HS3ST3A1: variants seen among roughly 807,000 people sequenced by gnomAD.
HS3ST3A1 encodes heparan sulfate glucosamine 3-O-sulfotransferase 3A1.
A neutral mutation model predicts 25.7 loss-of-function variants in HS3ST3A1; 19 were observed. That is an observed-to-expected ratio of 0.74 (90% CI 0.52 to 1.08). The LOEUF (loss-of-function observed/expected upper bound fraction) is 1.08. HS3ST3A1 is among the 50% of genes least tolerant of loss of function. The pLI is 0.00. For missense variants in HS3ST3A1, 459 were observed against 594.3 expected (o/e 0.77, Z 2.37); for synonymous variants, 226 against 278.6 (o/e 0.81, Z 1.88).
At chr17:13,547,962 AAC>A (rs999462598) in intron 1 of HS3ST3A1, among the ~76,000 whole-genome samples, 6 of 149,980 alleles carry the variant, frequency 4.0e-5, no homozygotes, top group African/African-American at 7.5e-5. Flanking sequence ...AAAAAAAAAA[AAC>A]CACACGTTTG....
At chr17:13,539,391 C>T (rs1047147903) in intron 1 of HS3ST3A1, among the ~76,000 whole-genome samples, 2 of 152,184 alleles carry the variant, frequency 1.3e-5, no homozygotes, top group East Asian at 1.9e-4. Flanking sequence ...GACAGTCAAC[C>T]GTACTAGCTC....
intron 1 of HS3ST3A1, among the ~76,000 whole-genome samples, chr17:13,517,552 C>T (rs1906096205): frequency 6.6e-6 from 1 of 152,132 alleles, no homozygotes; most frequent in African/African-American, 2.4e-5. Flanking sequence ...CCATAAGTGA[C>T]CTCCCAATAA....
chr17:13,543,853 T>G (rs1032023962), intron 1 of HS3ST3A1, among the ~76,000 whole-genome samples: 13 of 152,202 alleles, frequency 8.5e-5, no homozygotes, highest in Non-Finnish European at 1.5e-4. Flanking sequence ...CAAAGAATGT[T>G]GGACTACCAG....
chr17:13,562,354 C>T (rs1907571418), intron 1 of HS3ST3A1, among the ~76,000 whole-genome samples: 1 of 152,126 alleles, frequency 6.6e-6, no homozygotes, highest in Non-Finnish European at 1.5e-5. Flanking sequence ...GACAGACAGC[C>T]TCGTCTATTC....
At chr17:13,501,244 T>C (rs1373656427) in intron 1 of HS3ST3A1, among the ~76,000 whole-genome samples, 2 of 150,946 alleles carry the variant, frequency 1.3e-5, no homozygotes, top group Admixed American at 1.3e-4. Context: ...AAATGGTAAA[T>C]TTTATGTTAT....
chr17:13,577,723 A>G (rs1207340806), intron 1 of HS3ST3A1, among the ~76,000 whole-genome samples: 1 of 152,242 alleles, frequency 6.6e-6, no homozygotes, highest in Non-Finnish European at 1.5e-5. Context: ...CCAATTAATT[A>G]ATGGCAAAGC....
At chr17:13,509,486 T>C (rs1905792456) in intron 1 of HS3ST3A1, among the ~76,000 whole-genome samples, 1 of 151,486 alleles carries the variant, frequency 6.6e-6, no homozygotes, top group African/African-American at 2.4e-5. Context: ...ATAAAAATGA[T>C]GACAAATACA....
chr17:13,564,871 A>G (rs1907639076), intron 1 of HS3ST3A1, among the ~76,000 whole-genome samples: 1 of 151,892 alleles, frequency 6.6e-6, no homozygotes, highest in Non-Finnish European at 1.5e-5. Flanking sequence ...TTACAGGTGC[A>G]TGCCACCACC....
intron 1 of HS3ST3A1, among the ~76,000 whole-genome samples, chr17:13,531,847 A>G (rs1438892927): frequency 1.3e-5 from 2 of 152,194 alleles, no homozygotes; most frequent in African/African-American, 4.8e-5. Flanking sequence ...TTAGGCTTCC[A>G]TTAAACCCAC....
chr17:13,556,575 C>T (rs1205019392), intron 1 of HS3ST3A1, among the ~76,000 whole-genome samples: 3 of 137,724 alleles, frequency 2.2e-5, no homozygotes, highest in South Asian at 2.3e-4. Context: ...AAGGTGAGGC[C>T]GGTCATGGTG....
chr17:13,580,171 T>TA (rs1303292673), intron 1 of HS3ST3A1, among the ~76,000 whole-genome samples: 1 of 151,738 alleles, frequency 6.6e-6, no homozygotes, highest in African/African-American at 2.4e-5. Flanking sequence ...ATTCACAGAT[T>TA]AAAAAAACCA....
chr17:13,570,506 A>G (rs1315467152), intron 1 of HS3ST3A1, among the ~76,000 whole-genome samples: 4 of 152,214 alleles, frequency 2.6e-5, no homozygotes, highest in Non-Finnish European at 4.4e-5. Flanking sequence ...TTTCGAGACA[A>G]ACAAACTCTG....
chr17:13,601,182 C>G lies in HS3ST3A1; in HGVS notation c.-53G>C. The G allele has an allele frequency of 7.4e-7, 1 of 1,342,426 alleles. No individual in the cohort carries two copies. The highest frequency in any genetic ancestry group is 9.8e-7 in the Non-Finnish European group (1 of 1,016,328). The allele number at this position is 1,342,426 out of a possible 1,614,324, so 83.2% of individuals were successfully genotyped here. A position where few individuals can be genotyped will look rare whatever the true frequency, so the allele number is the denominator to read the frequency against. ...CGCCGGCCATGCTAGGCCTGGACCCCGACAGGTGCCAGAGCATCCCCCCGG... is the reference window on the plus strand; with the variant it reads ...CGCCGGCCATGCTAGGCCTGGACCCGGACAGGTGCCAGAGCATCCCCCCGG... On this transcript the variant is annotated 5_prime_UTR_variant, in exon 1 of 2. Transcript: ENST00000284110.
At chr17:13,568,762 G>C (rs1598428805) in intron 1 of HS3ST3A1, among the ~76,000 whole-genome samples, 1 of 151,980 alleles carries the variant, frequency 6.6e-6, no homozygotes, top group East Asian at 1.9e-4. Flanking sequence ...TAGTCTCCTG[G>C]GAACCAAGTT....
intron 1 of HS3ST3A1, among the ~76,000 whole-genome samples, chr17:13,533,175 T>A (rs1043228150): frequency 5.9e-5 from 9 of 152,128 alleles, no homozygotes; most frequent in Non-Finnish European, 1.2e-4. Context: ...AAGGTTAATA[T>A]ATATAGTCAA....
intron 1 of HS3ST3A1, among the ~76,000 whole-genome samples, chr17:13,549,120 A>T (rs559993908): frequency 6.6e-6 from 1 of 152,152 alleles, no homozygotes; most frequent in Non-Finnish European, 1.5e-5. Context: ...CACTCACCAC[A>T]AGGGTCTGCA....
intron 1 of HS3ST3A1, among the ~76,000 whole-genome samples, chr17:13,578,873 T>C (rs966987293): frequency 2.0e-5 from 3 of 152,214 alleles, no homozygotes; most frequent in Non-Finnish European, 4.4e-5. Context: ...GTATTCAAAA[T>C]AGATGTTGAT....
intron 1 of HS3ST3A1, among the ~76,000 whole-genome samples, chr17:13,598,587 A>G (rs1908641843): frequency 6.6e-6 from 1 of 152,198 alleles, no homozygotes; most frequent in Non-Finnish European, 1.5e-5. Flanking sequence ...TGCTGCAGTA[A>G]ACAATCCAAG....
rs66568347 is a variant in HS3ST3A1, at chr17:13,579,943, TAAA to T, written c.599+20585_599+20587del. 6.0e-3 allele frequency among the ~76,000 whole-genome samples: 489 copies of T among 81,930 alleles called. 1 individual carries two copies. The highest frequency in any genetic ancestry group is 8.1e-3 in the Admixed American group (52 of 6,406). The allele number at this position is 81,930 out of a possible 152,430, so 53.7% of individuals were successfully genotyped here. On this transcript the variant is annotated intron_variant, in intron 1 of 1. Transcript: ENST00000284110. Reference sequence around the variant, plus strand: ...GCCTGGGTGACAGAGTGACTCTGTCTAAAAAAAAAAAAAAAAAAAAAAAGAAAA... The same window carrying T: ...GCCTGGGTGACAGAGTGACTCTGTCTAAAAAAAAAAAAAAAAAAAAGAAAA...
Sources: allele counts gnomAD v4.1 joint callset (sites outside exome capture counted in the v4.1 genomes callset), GRCh38; gene constraint gnomAD v4.1.1; transcripts MANE v1.5; gene names NCBI Gene and HGNC (gene_info 2026-07-23, HGNC 2026-07-21).